The following SDK1 variants were observed in gnomAD, a reference collection of about 807,000 sequenced individuals.
SDK1 encodes protein sidekick-1.
Under a neutral mutation model 245.5 loss-of-function variants are expected in SDK1, and 157 were observed. The observed-to-expected ratio is 0.64, with a 90% CI of 0.56 to 0.73. The LOEUF (loss-of-function observed/expected upper bound fraction) is 0.73, where lower values mean the gene tolerates loss of function less well. Ranked by LOEUF, SDK1 falls within the 30% of genes least tolerant of loss-of-function variation. The probability of loss-of-function intolerance (pLI) is 0.00; values close to 1 mark genes in which losing one functional copy is unlikely to be tolerated. For missense variants in SDK1, 3,583 were observed against 3,002.3 expected (o/e 1.19, Z -4.52); for synonymous variants, 1,647 against 1,278.5 (o/e 1.29, Z -6.15).
chr7:3,391,588 G>A (rs1175485168), intron 1 of SDK1, among the ~76,000 whole-genome samples: 2 of 151,340 alleles, frequency 1.3e-5, no homozygotes, highest in African/African-American at 2.4e-5. Flanking sequence ...AGTGGCACTG[G>A]CTTTCAGAGA....
At chr7:3,967,530 T>G (rs1370918342) in intron 10 of SDK1, 96 bp downstream of exon 10, 3 of 775,028 alleles carry the variant, frequency 3.9e-6, no homozygotes, top group Non-Finnish European at 6.8e-6. Flanking sequence ...GTTTATTCAC[T>G]TATGCATTCA....
intron 1 of SDK1, among the ~76,000 whole-genome samples, chr7:3,494,047 A>ATT (rs201456950): frequency 6.7e-6 from 1 of 149,680 alleles, no homozygotes; most frequent in Non-Finnish European, 1.5e-5. Context: ...GAAAAGTCAG[A>ATT]TTTTTTTTTT....
chr7:3,705,389 A>G lies in SDK1; in HGVS notation c.713+63284A>G, dbSNP rs1046244333. Among the ~76,000 whole-genome samples the G allele has an allele frequency of 2.7e-5, 4 of 149,022 alleles. No individual in the cohort carries two copies. The South Asian group carries it at 6.4e-4, about 24-fold the overall frequency. On this transcript the variant is annotated intron_variant, in intron 4 of 44. Transcript: ENST00000404826. Reference sequence around the variant, plus strand: ...AGCAGTGGTTTGTAGTTCTCTGAAGAGATTTTTCACCTGCTTGGTTAAGTA... The same window carrying G: ...AGCAGTGGTTTGTAGTTCTCTGAAGGGATTTTTCACCTGCTTGGTTAAGTA...
intron 1 of SDK1, among the ~76,000 whole-genome samples, chr7:3,427,440 A>G (rs1315799097): frequency 1.3e-5 from 2 of 151,352 alleles, no homozygotes; most frequent in East Asian, 1.9e-4. Context: ...AATCACTTGA[A>G]CCTGGGAGAG....
At chr7:4,028,890 C>T (rs1022621071) in intron 17 of SDK1, among the ~76,000 whole-genome samples, 6 of 152,118 alleles carry the variant, frequency 3.9e-5, no homozygotes, top group African/African-American at 1.2e-4. Flanking sequence ...AATACTTGGA[C>T]GGAGCTCTGC....
Position 3,402,867 on chromosome 7 carries a change from G to C in SDK1, c.298+100983G>C, listed in dbSNP as rs145328822. ...ATTTTGCACTTATATAAATGTGATA[G>C]CTTCTGATTGATACAGATTTAATTA... On this transcript the variant is annotated intron_variant, in intron 1 of 44. Coordinates refer to ENST00000404826, the MANE Select transcript of SDK1 (RefSeq NM_152744.4). Among the ~76,000 whole-genome samples, 13 of 152,258 alleles carry C rather than the reference G, an allele frequency of 8.5e-5. No homozygotes were observed. The East Asian group carries it at 2.3e-3, about 27-fold the overall frequency.
intron 1 of SDK1, among the ~76,000 whole-genome samples, chr7:3,500,728 C>G (rs995090573): frequency 6.6e-6 from 1 of 151,992 alleles, no homozygotes; most frequent in Non-Finnish European, 1.5e-5. Flanking sequence ...TCATTAATGA[C>G]TTCATCCTTT....
At chr7:3,572,966 G>T (rs1780163910) in intron 1 of SDK1, among the ~76,000 whole-genome samples, 1 of 152,050 alleles carries the variant, frequency 6.6e-6, no homozygotes, top group Non-Finnish European at 1.5e-5. Context: ...GGTGGACAGT[G>T]TTGCAGGCAG....
At chr7:4,051,183 T>A (rs981582864) in intron 18 of SDK1, among the ~76,000 whole-genome samples, 2 of 140,786 alleles carry the variant, frequency 1.4e-5, no homozygotes. Context: ...ATATTATACA[T>A]TATATATGTG....
intron 1 of SDK1, among the ~76,000 whole-genome samples, chr7:3,340,509 TC>T (rs1780318057): frequency 6.6e-6 from 1 of 152,126 alleles, no homozygotes. Context: ...ACGCCTGTAA[TC>T]CCAGCACTTT....
rs186870408 is a variant in SDK1 at position 3,393,960 on chromosome 7, G to C, written c.298+92076G>C. On this transcript the variant is annotated intron_variant, in intron 1 of 44. Coordinates refer to ENST00000404826, the MANE Select transcript of SDK1 (RefSeq NM_152744.4). The stretch of plus-strand genomic sequence containing the variant: ...CATTTATTATAGTGTTCATCATTTG[G>C]GCTTATTTGTACCCATCCTTCTTGG... Among the ~76,000 whole-genome samples, 177 of 152,074 alleles carry C rather than the reference G, an allele frequency of 1.2e-3. 1 individual carries two copies. The highest frequency in any genetic ancestry group is 4.1e-3 in the African/African-American group (169 of 41,490).
intron 14 of SDK1, among the ~76,000 whole-genome samples, chr7:4,005,541 G>T (rs1359912005): frequency 6.6e-6 from 1 of 151,734 alleles, no homozygotes; most frequent in East Asian, 1.9e-4. Context: ...GCCACTCTAG[G>T]TAGCCGCCAC....
intron 5 of SDK1, among the ~76,000 whole-genome samples, chr7:3,853,564 C>G (rs569077247): frequency 6.6e-6 from 1 of 152,272 alleles, no homozygotes; most frequent in South Asian, 2.1e-4. Context: ...TGTTTCCAGT[C>G]TCAGATTTTT....
At chr7:4,055,826 A>T (rs537522577) in intron 19 of SDK1, among the ~76,000 whole-genome samples, 2 of 152,106 alleles carry the variant, frequency 1.3e-5, no homozygotes, top group Admixed American at 6.5e-5. Flanking sequence ...TTGACACTCT[A>T]TGCTTTCATT....
chr7:4,201,899 C>T (rs369195355), intron 35 of SDK1, among the ~76,000 whole-genome samples: 3 of 152,188 alleles, frequency 2.0e-5, no homozygotes, highest in East Asian at 3.8e-4. Flanking sequence ...AGAGTGGACA[C>T]CTGGCACGGC....
At chr7:4,040,173 G>T (rs574414979) in intron 17 of SDK1, among the ~76,000 whole-genome samples, 1 of 152,294 alleles carries the variant, frequency 6.6e-6, no homozygotes, top group East Asian at 1.9e-4. Flanking sequence ...AATGAGGCGT[G>T]TTCTGATTGG....
chr7:3,578,071 TTCTC>T (rs1583187056), intron 1 of SDK1, among the ~76,000 whole-genome samples: 1 of 152,044 alleles, frequency 6.6e-6, no homozygotes, highest in East Asian at 1.9e-4. Context: ...CTTGTATATT[TTCTC>T]TCTCTAATTT....
chr7:3,931,975 G>T (rs1213866316), intron 5 of SDK1, among the ~76,000 whole-genome samples: 4 of 152,182 alleles, frequency 2.6e-5, no homozygotes, highest in African/African-American at 9.7e-5. Context: ...GGCATGAGTT[G>T]CTGGGTGCCT....
At chr7:3,405,638 G>A (rs1202164845) in intron 1 of SDK1, among the ~76,000 whole-genome samples, 2 of 151,962 alleles carry the variant, frequency 1.3e-5, no homozygotes, top group Non-Finnish European at 2.9e-5. Context: ...GCAGGAGGTA[G>A]TGTTATCAGA....
Sources: allele counts gnomAD v4.1 joint callset (sites outside exome capture counted in the v4.1 genomes callset), GRCh38; gene constraint gnomAD v4.1.1; transcripts MANE v1.5; gene names NCBI Gene and HGNC (gene_info 2026-07-23, HGNC 2026-07-21).